AHNAK: variants seen among roughly 807,000 people sequenced by gnomAD.
AHNAK encodes neuroblast differentiation-associated protein AHNAK.
In AHNAK, 23 loss-of-function variants were observed where a neutral mutation model predicts 37.8. The ratio of observed to expected loss-of-function variants is 0.61; its 90% confidence interval spans 0.44 to 0.86. The LOEUF is 0.86. AHNAK is among the 40% of genes least tolerant of loss of function. The probability of loss-of-function intolerance (pLI) is 0.00; values close to 1 mark genes in which losing one functional copy is unlikely to be tolerated. For synonymous variants in AHNAK, 2,481 were observed against 2,636.3 expected, an observed-to-expected ratio of 0.94 and a Z score of 1.80; for missense variants, 7,411 against 7,319.4, an observed-to-expected ratio of 1.01 and a Z score of -0.46.
rs1349142702 is a variant in AHNAK, at chr11:62,530,138, T to C, written c.4279A>G (p.Ile1427Val). ...TTTAGTTTTGCGTCTGGACCTTCAA[T>C]ATTCACATCTGGAACTTCAGCATCC... ...KMDAEVPDVN[I>V]EGPDAKLKGP... Residue 1427 changes from isoleucine (I) to valine (V), a missense_variant, in exon 5 of 5, where the codon ATT becomes GTT. Ile to Val is a conservative substitution (Grantham distance 29, BLOSUM62 3). Coordinates refer to ENST00000378024, the MANE Select transcript of AHNAK (RefSeq NM_001620.3). 3.5e-5 allele frequency: 57 copies of C among 1,613,636 alleles called. No homozygotes were observed. The highest frequency in any genetic ancestry group is 4.7e-5 in the Non-Finnish European group (56 of 1,179,932).
Position 62,529,364 on chromosome 11 carries a change from G to T in AHNAK, c.5053C>A (p.Pro1685Thr). Reference protein sequence around the residue: ...VPKVEGEMKVPDVDIKGPKVD... With the variant: ...VPKVEGEMKVTDVDIKGPKVD... Reference sequence around the variant, plus strand: ...TTGGGCCCTTTAATGTCAACATCTGGCACTTTCATTTCACCTTCTACCTTG... The same window carrying T: ...TTGGGCCCTTTAATGTCAACATCTGTCACTTTCATTTCACCTTCTACCTTG... The change falls in exon 5 of 5, where the codon CCA (proline) becomes ACA (threonine). Residue 1685 changes from proline to threonine, a missense_variant. Pro to Thr is a conservative substitution (Grantham distance 38, BLOSUM62 -1). Coordinates refer to ENST00000378024, the MANE Select transcript of AHNAK (RefSeq NM_001620.3). 1 of 1,613,892 alleles carries T rather than the reference G, an allele frequency of 6.2e-7. No individual in the cohort carries two copies. Among genetic ancestry groups the T allele is most frequent in the Non-Finnish European group, 8.5e-7 (1 of 1,179,984 alleles).
At chr11:62,466,648 G>A (rs1590605245) in intron 5 of AHNAK, among the ~76,000 whole-genome samples, 1 of 151,998 alleles carries the variant, frequency 6.6e-6, no homozygotes, top group East Asian at 1.9e-4. Context: ...GTGCATTCAA[G>A]CTGTTTCTTC....
intron 5 of AHNAK, among the ~76,000 whole-genome samples, chr11:62,450,121 ATTATTTTATT>A (rs538721690): frequency 3.4e-5 from 5 of 146,106 alleles, no homozygotes; most frequent in Non-Finnish European, 6.0e-5. Flanking sequence ...ATTTTATTTT[ATTATTTTATT>A]TTATTTTATT....
chr11:62,456,546 T>C (rs970301864), intron 5 of AHNAK, among the ~76,000 whole-genome samples: 2 of 152,120 alleles, frequency 1.3e-5, no homozygotes, highest in African/African-American at 4.8e-5. Context: ...GTTGGCTGGG[T>C]TGGCTCTCAG....
chr11:62,433,749 G>A (rs1002480576), exon 6 of AHNAK: 24 of 1,290,544 alleles, frequency 1.9e-5, no homozygotes, highest in Admixed American at 3.9e-5. Context: ...GCCGCCTCGC[G>A]GAAGGTATTC....
intron 4 of AHNAK, chr11:62,491,836 C>T: frequency 6.2e-7 from 1 of 1,608,098 alleles, no homozygotes; most frequent in South Asian, 1.1e-5. Flanking sequence ...TGTGTTCTAA[C>T]AAGGATAAAG....
chr11:62,433,889 G>A (rs1255854267), exon 6 of AHNAK: 1 of 1,613,554 alleles, frequency 6.2e-7, no homozygotes, highest in Admixed American at 1.7e-5. Context: ...CGCTTCTACA[G>A]TCCTGTAAAA....
At chr11:62,458,869 G>T (rs751452033) in intron 5 of AHNAK, among the ~76,000 whole-genome samples, 4 of 152,110 alleles carry the variant, frequency 2.6e-5, no homozygotes, top group South Asian at 2.1e-4. Context: ...CTAGGAATTT[G>T]CCCCAAGTAC....
intron 4 of AHNAK, among the ~76,000 whole-genome samples, chr11:62,504,549 C>T (rs975979894): frequency 2.0e-5 from 3 of 152,136 alleles, no homozygotes; most frequent in Admixed American, 6.5e-5. Flanking sequence ...TTATTCTTGC[C>T]TGCCTGCTCA....
intron 5 of AHNAK, among the ~76,000 whole-genome samples, chr11:62,478,546 A>C (rs1366742972): frequency 6.6e-6 from 1 of 152,012 alleles, no homozygotes; most frequent in African/African-American, 2.4e-5. Context: ...GGAGTTCCTG[A>C]CCAACCTAGG....
Position 62,530,162 on chromosome 11 carries a change from C to T in AHNAK, c.4255G>A (p.Asp1419Asn), listed in dbSNP as rs1162558890. The T allele has an allele frequency of 6.2e-7, 1 of 1,613,820 alleles. No individual in the cohort carries two copies. The highest frequency in any genetic ancestry group is 1.3e-5 in the African/African-American group (1 of 74,796). ...ATATTCACATCTGGAACTTCAGCAT[C>T]CATTTTGGGTCCTGAGACATCAACG... Reference protein sequence around the residue: ...ADVDVSGPKMDAEVPDVNIEG... With the variant: ...ADVDVSGPKMNAEVPDVNIEG... Residue 1419 changes from aspartate (D) to asparagine (N), a missense_variant, in exon 5 of 5, where the codon GAT becomes AAT. Coordinates refer to ENST00000378024, the MANE Select transcript of AHNAK (RefSeq NM_001620.3).
At position 62,526,080 on chromosome 11, in the gene AHNAK, G is replaced by C; in HGVS notation, c.8337C>G (p.Phe2779Leu). Reference protein sequence around the residue: ...IKMPKISMPGFKGEGPDVDVN... With the variant: ...IKMPKISMPGLKGEGPDVDVN... Reference sequence around the variant, plus strand: ...CGTCCACATCTGGACCTTCTCCTTTGAAGCCAGGCATGCTGATCTTGGGCA... The same window carrying C: ...CGTCCACATCTGGACCTTCTCCTTTCAAGCCAGGCATGCTGATCTTGGGCA... Residue 2779 changes from phenylalanine to leucine, a missense_variant, in exon 5 of 5, where the codon TTC (phenylalanine) becomes TTG (leucine). By Grantham distance (22) the Phe-to-Leu change is conservative. Transcript: ENST00000378024. 1 of 1,613,368 alleles carries C rather than the reference G, an allele frequency of 6.2e-7. No individual in the cohort carries two copies. Among genetic ancestry groups the C allele is most frequent in the Non-Finnish European group, 8.5e-7 (1 of 1,179,886 alleles).
rs1363767736 is a variant in AHNAK at position 62,516,236 on chromosome 11, A to G, written c.*508T>C. 2 of 1,289,102 alleles carry G rather than the reference A, an allele frequency of 1.6e-6. No homozygotes were observed. The highest frequency in any genetic ancestry group is 2.3e-5 in the Admixed American group (1 of 43,532). The allele number at this position is 1,289,102 out of a possible 1,614,324, so 79.9% of individuals were successfully genotyped here. ...CTAAAAACACCCACACACCCTGACT[A>G]CCACCACCTCTGGGCCATCTGTGGG... On this transcript the variant is annotated 3_prime_UTR_variant, in exon 5 of 5. Coordinates refer to ENST00000378024, the MANE Select transcript of AHNAK (RefSeq NM_001620.3).
chr11:62,454,182 G>A (rs2134809932), intron 5 of AHNAK, among the ~76,000 whole-genome samples: 1 of 151,826 alleles, frequency 6.6e-6, no homozygotes. Flanking sequence ...GGGAGGCGGA[G>A]GCGGGCGGAT....
At chr11:62,454,313 C>T (rs1264415021) in intron 5 of AHNAK, among the ~76,000 whole-genome samples, 2 of 135,424 alleles carry the variant, frequency 1.5e-5, no homozygotes, top group East Asian at 2.3e-4. Context: ...CCCGGGAGGC[C>T]GAGGCAGGAG....
chr11:62,473,017 A>C lies in AHNAK; in HGVS notation c.442+18715T>G, dbSNP rs539229677. ...CAAGAATCACTTGAACCCAGGAGGCAGAGGTTGCAGTGAGCCAAGTTCACA... is the reference window on the plus strand; with the variant it reads ...CAAGAATCACTTGAACCCAGGAGGCCGAGGTTGCAGTGAGCCAAGTTCACA... On this transcript the variant is annotated intron_variant, in intron 5 of 5. Coordinates refer to the AHNAK transcript ENST00000257247. 2.0e-3 allele frequency among the ~76,000 whole-genome samples: 266 copies of C among 135,284 alleles called. 2 individuals are homozygous for C. The highest frequency in any genetic ancestry group is 7.0e-3 in the African/African-American group (259 of 37,226). 88.8% of individuals were successfully genotyped at this position (135,284 alleles called of 152,430 possible). A position where few individuals can be genotyped will look rare whatever the true frequency, so the allele number is the denominator to read the frequency against.
Position 62,525,372 on chromosome 11 carries a change from G to A in AHNAK, c.9045C>T (p.Gly3015=), listed in dbSNP as rs777089599. 16 of 1,611,372 alleles carry A rather than the reference G, an allele frequency of 9.9e-6. No homozygotes were observed. The highest frequency in any genetic ancestry group is 1.7e-5 in the Admixed American group (1 of 59,680). The change falls in exon 5 of 5, where the codon GGC becomes GGT. Residue 3015 remains glycine (G), a synonymous_variant. Transcript: ENST00000378024. ...TGGGCATTTTTAGGTGCCAGTCTGG[G>A]CCTTGAACGCCCACATCCGGGACAT... ...DIDVPDVGVQ[G]PDWHLKMPKV...
rs781779428 is a variant in AHNAK, at chr11:62,531,835, A to G, written c.2582T>C (p.Ile861Thr). Reference protein sequence around the residue: ...DVELKSAKMDIDVPDVEVQGP... With the variant: ...DVELKSAKMDTDVPDVEVQGP... The stretch of plus-strand genomic sequence containing the variant: ...TTGAACCTCCACATCTGGGACATCA[A>G]TGTCCATTTTGGCACTTTTAAGTTC... Residue 861 changes from isoleucine (I) to threonine (T), a missense_variant, in exon 5 of 5, where the codon ATT (isoleucine) becomes ACT (threonine). By Grantham distance (89) the Ile-to-Thr change is moderately conservative (BLOSUM62 -1). Transcript: ENST00000378024. The G allele has an allele frequency of 1.2e-5, 20 of 1,613,490 alleles. No individual in the cohort carries two copies. The highest frequency in any genetic ancestry group is 1.6e-5 in the Non-Finnish European group (19 of 1,179,920).
At chr11:62,468,083 C>T (rs1938951684) in intron 5 of AHNAK, among the ~76,000 whole-genome samples, 1 of 152,136 alleles carries the variant, frequency 6.6e-6, no homozygotes, top group Non-Finnish European at 1.5e-5. Flanking sequence ...CACAGTGGCT[C>T]ATGCCTGTAA....
Sources: allele counts gnomAD v4.1 joint callset (sites outside exome capture counted in the v4.1 genomes callset), GRCh38; gene constraint gnomAD v4.1.1; transcripts MANE v1.5; gene names NCBI Gene and HGNC (gene_info 2026-07-23, HGNC 2026-07-21).